Variants in CNTNAP5 observed in about 807,000 individuals in gnomAD.
CNTNAP5 encodes the protein contactin associated protein family member 5, also known as contactin-associated protein-like 5.
A neutral mutation model predicts 150.2 loss-of-function variants in CNTNAP5; 72 were observed. The observed-to-expected ratio is 0.48, with a 90% CI of 0.40 to 0.58. CNTNAP5 has a LOEUF of 0.58. CNTNAP5 is among the 20% of genes least tolerant of loss of function. The probability of loss-of-function intolerance (pLI) is 0.00; values close to 1 mark genes in which losing one functional copy is unlikely to be tolerated. For synonymous variants in CNTNAP5, 672 were observed against 619.8 expected, an observed-to-expected ratio of 1.08 and a Z score of -1.25; for missense variants, 1,636 against 1,626.2, an observed-to-expected ratio of 1.01 and a Z score of -0.10.
chr2:124,270,223 C>T (rs925855360), intron 3 of CNTNAP5, among the ~76,000 whole-genome samples: 2 of 152,060 alleles, frequency 1.3e-5, no homozygotes, highest in Non-Finnish European at 2.9e-5. Flanking sequence ...ATTGGAGAAT[C>T]GCTTGAACCT....
chr2:124,450,634 A>G (rs1165006693), intron 6 of CNTNAP5, among the ~76,000 whole-genome samples: 1 of 150,988 alleles, frequency 6.6e-6, no homozygotes, highest in Non-Finnish European at 1.5e-5. Flanking sequence ...AGTTTACATC[A>G]CTTAACCCAT....
chr2:124,503,873 C>A (rs1016599413), intron 7 of CNTNAP5, among the ~76,000 whole-genome samples: 1 of 152,194 alleles, frequency 6.6e-6, no homozygotes, highest in Non-Finnish European at 1.5e-5. Context: ...TTCGCATAAC[C>A]TTTGCTTGTC....
chr2:124,750,413 T>C (rs558189004), intron 14 of CNTNAP5, among the ~76,000 whole-genome samples: 1 of 152,344 alleles, frequency 6.6e-6, no homozygotes, highest in East Asian at 1.9e-4. Flanking sequence ...GATTCAACAC[T>C]TCTGAGCTTC....
At chr2:124,474,655 T>C in intron 6 of CNTNAP5, 84 bp from the exon 7 acceptor site, 1 of 1,202,422 alleles carries the variant, frequency 8.3e-7, no homozygotes, top group South Asian at 1.7e-5. Flanking sequence ...CAATTGAATC[T>C]ACCAAAAACG....
chr2:124,440,175 C>T (rs573289761), intron 5 of CNTNAP5, among the ~76,000 whole-genome samples: 1 of 152,132 alleles, frequency 6.6e-6, no homozygotes, highest in Admixed American at 6.5e-5. Context: ...AAGTGTTTAA[C>T]TTGTGTGAGA....
intron 1 of CNTNAP5, among the ~76,000 whole-genome samples, chr2:124,069,638 T>C (rs1259508554): frequency 6.6e-6 from 1 of 152,116 alleles, no homozygotes; most frequent in Non-Finnish European, 1.5e-5. Flanking sequence ...AGGCAGCTCA[T>C]CACAGAGGGA....
At chr2:124,339,825 G>C (rs1238319337) in intron 3 of CNTNAP5, among the ~76,000 whole-genome samples, 2 of 152,086 alleles carry the variant, frequency 1.3e-5, no homozygotes, top group African/African-American at 4.8e-5. Context: ...CGATTGGTTG[G>C]AGATGAAATC....
chr2:124,445,675 C>A (rs1261371693), intron 5 of CNTNAP5, among the ~76,000 whole-genome samples: 1 of 152,186 alleles, frequency 6.6e-6, no homozygotes, highest in Non-Finnish European at 1.5e-5. Flanking sequence ...GAAGTGGCAG[C>A]TACCGCCTGC....
At chr2:124,481,407 A>G (rs1240842844) in intron 7 of CNTNAP5, among the ~76,000 whole-genome samples, 1 of 152,226 alleles carries the variant, frequency 6.6e-6, no homozygotes, top group Non-Finnish European at 1.5e-5. Flanking sequence ...TTTCCTTTCT[A>G]TCAGATAAGC....
chr2:124,152,139 C>A (rs979153593), intron 1 of CNTNAP5, among the ~76,000 whole-genome samples: 1 of 152,090 alleles, frequency 6.6e-6, no homozygotes, highest in Non-Finnish European at 1.5e-5. Flanking sequence ...TTGCTGACTG[C>A]GCTCTACCTC....
intron 2 of CNTNAP5, 113 bp from the exon 3 acceptor site, chr2:124,242,087 G>A (rs960978375): frequency 2.5e-6 from 2 of 785,870 alleles, no homozygotes; most frequent in African/African-American, 1.7e-5. Flanking sequence ...GGGCCCATTT[G>A]GGGGTAGAGT....
intron 7 of CNTNAP5, among the ~76,000 whole-genome samples, chr2:124,479,885 G>C (rs1311187175): frequency 6.6e-6 from 1 of 152,026 alleles, no homozygotes; most frequent in Non-Finnish European, 1.5e-5. Context: ...ATAAAATGAG[G>C]GCAAATATAG....
chr2:124,188,563 C>CA (rs1431430152), intron 1 of CNTNAP5, among the ~76,000 whole-genome samples: 10 of 151,582 alleles, frequency 6.6e-5, no homozygotes, highest in Admixed American at 2.6e-4. Context: ...ACTAAAAATA[C>CA]AAAAAATTAG....
chr2:124,704,171 T>A (rs1307476896), intron 13 of CNTNAP5, among the ~76,000 whole-genome samples: 1 of 152,164 alleles, frequency 6.6e-6, no homozygotes, highest in African/African-American at 2.4e-5. Context: ...ACTCCAAAGA[T>A]TGCACTGGGA....
At chr2:124,206,104 A>G (rs1250356789) in intron 1 of CNTNAP5, among the ~76,000 whole-genome samples, 8 of 152,224 alleles carry the variant, frequency 5.3e-5, no homozygotes, top group Admixed American at 4.6e-4. Flanking sequence ...AATAGAATGG[A>G]TCAACCAAGT....
At chr2:124,440,892 A>G (rs951550727) in intron 5 of CNTNAP5, among the ~76,000 whole-genome samples, 2 of 152,106 alleles carry the variant, frequency 1.3e-5, no homozygotes, top group African/African-American at 4.8e-5. Flanking sequence ...CTAGTAATTG[A>G]ACCTCAAATG....
chr2:124,487,824 A>C (rs1381191572), intron 7 of CNTNAP5, among the ~76,000 whole-genome samples: 1 of 152,094 alleles, frequency 6.6e-6, no homozygotes, highest in Non-Finnish European at 1.5e-5. Flanking sequence ...TTACCCACAA[A>C]ATCGAATGCT....
Position 124,798,152 on chromosome 2 carries a change from T to A in CNTNAP5, c.3049T>A (p.Tyr1017Asn). Reference protein sequence around the residue: ...TSVTYMFQEPYPVTKNISLSS... With the variant: ...TSVTYMFQEPNPVTKNISLSS... ...GGTTACTTACATGTTTCAAGAACCC[T>A]ATCCTGTGACCAAGAATATAAGCCT... The change falls in exon 19 of 24, where the codon TAT (tyrosine) becomes AAT (asparagine). Residue 1017 changes from tyrosine to asparagine, a missense_variant. Transcript: ENST00000682447. 1 of 1,613,734 alleles carries A rather than the reference T, an allele frequency of 6.2e-7. No individual in the cohort carries two copies. Among genetic ancestry groups the A allele is most frequent in the Non-Finnish European group, 8.5e-7 (1 of 1,179,750 alleles).
chr2:124,525,889 T>A (rs1573436211), intron 9 of CNTNAP5, among the ~76,000 whole-genome samples: 1 of 152,178 alleles, frequency 6.6e-6, no homozygotes, highest in Non-Finnish European at 1.5e-5. Flanking sequence ...AGCTCATGAA[T>A]TCAATTCCAG....
Sources: allele counts gnomAD v4.1 joint callset (sites outside exome capture counted in the v4.1 genomes callset), GRCh38; gene constraint gnomAD v4.1.1; transcripts MANE v1.5; gene names NCBI Gene and HGNC (gene_info 2026-07-23, HGNC 2026-07-21).